Variants in NCOR1 observed in about 807,000 individuals in gnomAD.
The protein encoded by NCOR1 is nuclear receptor corepressor 1.
A neutral mutation model predicts 288.1 loss-of-function variants in NCOR1; 63 were observed. That is an observed-to-expected ratio of 0.22 (90% CI 0.18 to 0.27). The LOEUF is 0.27. NCOR1 is among the 10% of genes least tolerant of loss of function. The pLI is 1.00. For synonymous variants in NCOR1, 1,007 were observed against 1,065.9 expected (o/e 0.94, Z 1.08); for missense variants, 2,397 against 3,019.2 (o/e 0.79, Z 4.83).
intron 37 of NCOR1, among the ~76,000 whole-genome samples, chr17:16,059,212 T>C (rs1052548133): frequency 6.6e-6 from 1 of 151,362 alleles, no homozygotes; most frequent in Non-Finnish European, 1.5e-5. Flanking sequence ...AATGAGGGAG[T>C]AGATCTCAAT....
chr17:16,065,745 C>G (rs1259985205), intron 32 of NCOR1, 51 bp from the exon 33 acceptor site: 5 of 1,540,128 alleles, frequency 3.2e-6, no homozygotes, highest in Non-Finnish European at 3.6e-6. Flanking sequence ...GGCTGAAATA[C>G]ATTTGCTAAA....
At chr17:16,141,520 A>G in intron 11 of NCOR1, among the ~76,000 whole-genome samples, 1 of 152,292 alleles carries the variant, frequency 6.6e-6, no homozygotes, top group Admixed American at 6.5e-5. Context: ...AGAGCATACT[A>G]TATACTTTTA....
chr17:16,091,825 T>C (rs1046945123), intron 22 of NCOR1, 38 bp downstream of exon 22: 1 of 1,612,714 alleles, frequency 6.2e-7, no homozygotes, highest in South Asian at 1.1e-5. Flanking sequence ...TTATTTCCCT[T>C]CATAAAAGTT....
At chr17:16,183,345 C>T (rs1402132428) in intron 3 of NCOR1, among the ~76,000 whole-genome samples, 1 of 149,824 alleles carries the variant, frequency 6.7e-6, no homozygotes, top group African/African-American at 2.5e-5. Flanking sequence ...TATAAAAGTT[C>T]CCCAAGATTC....
intron 4 of NCOR1, among the ~76,000 whole-genome samples, chr17:16,169,269 A>C (rs1423880190): frequency 7.3e-6 from 1 of 137,470 alleles, no homozygotes; most frequent in Non-Finnish European, 1.5e-5. Context: ...GCAGCAAAAA[A>C]ACAACAACAA....
chr17:16,083,034 C>G (rs912182911), intron 23 of NCOR1, among the ~76,000 whole-genome samples: 1 of 152,006 alleles, frequency 6.6e-6, no homozygotes, highest in Non-Finnish European at 1.5e-5. Flanking sequence ...GTATCAAGAC[C>G]ATCCTGGCCA....
At chr17:16,172,591 A>T (rs1336697508) in intron 3 of NCOR1, among the ~76,000 whole-genome samples, 1 of 152,248 alleles carries the variant, frequency 6.6e-6, no homozygotes, top group African/African-American at 2.4e-5. Flanking sequence ...GCTACAAAGA[A>T]AGAGAAATGA....
chr17:16,052,368 C>A (rs939147191), intron 40 of NCOR1, among the ~76,000 whole-genome samples: 2 of 151,892 alleles, frequency 1.3e-5, no homozygotes, highest in African/African-American at 4.8e-5. Context: ...AGACTGCTAG[C>A]TAAGACTAAT....
intron 18 of NCOR1, among the ~76,000 whole-genome samples, chr17:16,116,096 C>T (rs543471559): frequency 5.3e-5 from 8 of 152,078 alleles, no homozygotes; most frequent in East Asian, 1.9e-4. Context: ...AGAGCTTGTG[C>T]GGGGAAATTC....
intron 42 of NCOR1, 85 bp downstream of exon 42, chr17:16,046,866 C>A: frequency 6.7e-7 from 1 of 1,486,796 alleles, no homozygotes. Context: ...AGCCTTCAAA[C>A]TCAAGCATTA....
rs562623179 is a variant in NCOR1, at chr17:16,039,668, A to C, written c.6734-14T>G. The C allele has an allele frequency of 6.2e-7, 1 of 1,605,498 alleles. No individual in the cohort carries two copies. Among genetic ancestry groups the C allele is most frequent in the Non-Finnish European group, 8.5e-7 (1 of 1,174,524 alleles). On this transcript the variant is annotated splice_polypyrimidine_tract_variant and intron_variant, in intron 43 of 45. Transcript: ENST00000268712. ...AGCTAACTGAGCCTGAAAGAGAATC[A>C]AAAACATTTCCACTTATTTCTGAAA...
chr17:16,161,439 C>A (rs892988168), intron 5 of NCOR1, among the ~76,000 whole-genome samples: 2 of 152,054 alleles, frequency 1.3e-5, no homozygotes, highest in Non-Finnish European at 2.9e-5. Flanking sequence ...GGATTACAGG[C>A]ACCCGCCACC....
intron 11 of NCOR1, among the ~76,000 whole-genome samples, chr17:16,142,854 T>C (rs1363032883): frequency 1.3e-5 from 2 of 152,238 alleles, no homozygotes; most frequent in South Asian, 2.1e-4. Flanking sequence ...TGTTTCATAA[T>C]TTTATTAATT....
chr17:16,190,582 C>G (rs1351868253), intron 2 of NCOR1, among the ~76,000 whole-genome samples: 3 of 151,652 alleles, frequency 2.0e-5, no homozygotes, highest in Non-Finnish European at 4.4e-5. Context: ...ACCTCATGAT[C>G]TGCCCGCCTC....
In NCOR1 at chr17:16,048,955, G is replaced by C; in HGVS notation, c.6426C>G (p.Val2142=). The C allele has an allele frequency of 6.2e-7, 1 of 1,612,306 alleles. No individual in the cohort carries two copies. Among genetic ancestry groups the C allele is most frequent in the Non-Finnish European group, 8.5e-7 (1 of 1,178,838 alleles). The change falls in exon 41 of 46, where the codon GTC becomes GTG. Residue 2142 remains valine (V), a synonymous_variant. Coordinates refer to ENST00000268712, the MANE Select transcript of NCOR1 (RefSeq NM_006311.4). ...RPGKSPERSH[V]SSEPYEPISP... ...AGATGGGCTCGTAGGGCTCCGAAGA[G>C]ACGTGACTCCTCTCTGGGGATTTTC...
In NCOR1 at chr17:16,065,871, C is replaced by T. The variant is rs114636132; in HGVS notation, c.4742-177G>A. ...TTAGACCTTGATGTATTAGCAATAG[C>T]AATTCTAATGTCTAAGATGTAATGG... On this transcript the variant is annotated intron_variant, in intron 32 of 45. Coordinates refer to ENST00000268712, the MANE Select transcript of NCOR1 (RefSeq NM_006311.4). The T allele has an allele frequency of 2.2e-3, 1,353 of 606,932 alleles. 20 individuals are homozygous for T. The highest frequency in any genetic ancestry group is 0.022 in the African/African-American group (1,197 of 54,146). The allele number at this position is 606,932 out of a possible 1,614,324, so 37.6% of individuals were successfully genotyped here.
intron 40 of NCOR1, 192 bp downstream of exon 40, chr17:16,057,322 G>C (rs1414269782): frequency 3.4e-6 from 2 of 596,516 alleles, no homozygotes; most frequent in African/African-American, 3.7e-5. Flanking sequence ...ACATTAAAAA[G>C]TCATAGTACC....
At chr17:16,072,626 A>G (rs1023281605) in intron 28 of NCOR1, among the ~76,000 whole-genome samples, 16 of 152,226 alleles carry the variant, frequency 1.1e-4, no homozygotes, top group African/African-American at 3.9e-4. Flanking sequence ...TAAATGAAAC[A>G]TGCAAATTGA....
At chr17:16,164,240 C>A in intron 5 of NCOR1, among the ~76,000 whole-genome samples, 1 of 107,012 alleles carries the variant, frequency 9.3e-6, no homozygotes, top group African/African-American at 3.3e-5. Flanking sequence ...GACTCCAAAT[C>A]TGGAAAAAAA....
Sources: allele counts gnomAD v4.1 joint callset (sites outside exome capture counted in the v4.1 genomes callset), GRCh38; gene constraint gnomAD v4.1.1; transcripts MANE v1.5; gene names NCBI Gene and HGNC (gene_info 2026-07-23, HGNC 2026-07-21).